The following EPB41L4A variants were observed in gnomAD, a reference collection of about 807,000 sequenced individuals.
EPB41L4A encodes band 4.1-like protein 4A.
In EPB41L4A, 100 loss-of-function variants were observed where a neutral mutation model predicts 108.6. The ratio of observed to expected loss-of-function variants is 0.92; its 90% confidence interval spans 0.78 to 1.09. The LOEUF is 1.09. EPB41L4A is among the 50% of genes least tolerant of loss of function. EPB41L4A has a pLI of 0.00. For missense variants in EPB41L4A, 1,030 were observed against 842.7 expected, an observed-to-expected ratio of 1.22 and a Z score of -2.75; for synonymous variants, 319 against 289.0, an observed-to-expected ratio of 1.10 and a Z score of -1.05.
chr5:112,204,309 A>G (rs1162318344), intron 15 of EPB41L4A, 66 bp downstream of exon 15: 7 of 1,036,068 alleles, frequency 6.8e-6, no homozygotes, highest in Non-Finnish European at 1.1e-5. Flanking sequence ...CACCTATTAT[A>G]AAGTCAGGCC....
chr5:112,212,438 G>A (rs1025933946), intron 12 of EPB41L4A, among the ~76,000 whole-genome samples: 2 of 151,886 alleles, frequency 1.3e-5, no homozygotes. Context: ...GATTACAGGC[G>A]CATGACACTG....
At chr5:112,260,565 C>T (rs569594696) in intron 7 of EPB41L4A, among the ~76,000 whole-genome samples, 1 of 152,186 alleles carries the variant, frequency 6.6e-6, no homozygotes, top group Non-Finnish European at 1.5e-5. Flanking sequence ...AGCAGACACA[C>T]ACTTGAATTT....
At chr5:112,157,604 C>T (rs574407750) in intron 12 of EPB41L4A, among the ~76,000 whole-genome samples, 1 of 152,286 alleles carries the variant, frequency 6.6e-6, no homozygotes, top group South Asian at 2.1e-4. Flanking sequence ...CCTACATCTT[C>T]AAAGCCAGCA....
downstream of EPB41L4A, chr5:112,161,256 C>A (rs1208615833): frequency 6.5e-6 from 2 of 308,286 alleles, no homozygotes; most frequent in East Asian, 9.3e-5. Context: ...CAGCTGTTTC[C>A]ACGTGCGGTG....
chr5:112,243,376 G>A (rs747420854), intron 9 of EPB41L4A, among the ~76,000 whole-genome samples: 30 of 151,900 alleles, frequency 2.0e-4, no homozygotes, highest in Non-Finnish European at 3.7e-4. Context: ...ATAGAGCACA[G>A]AGTACAGTTA....
intron 9 of EPB41L4A, among the ~76,000 whole-genome samples, chr5:112,257,908 C>T (rs1003631872): frequency 6.6e-6 from 1 of 152,196 alleles, no homozygotes; most frequent in Non-Finnish European, 1.5e-5. Context: ...AGCTACTCTA[C>T]TTTTTGCATG....
chr5:112,366,589 C>T (rs188128210), intron 1 of EPB41L4A, among the ~76,000 whole-genome samples: 3 of 152,040 alleles, frequency 2.0e-5, no homozygotes, highest in Admixed American at 1.3e-4. Context: ...ACACAGCCCA[C>T]CTGCAGGGAG....
At chr5:112,339,036 G>GC (rs1324036814) in intron 1 of EPB41L4A, among the ~76,000 whole-genome samples, 2 of 151,800 alleles carry the variant, frequency 1.3e-5, no homozygotes, top group East Asian at 3.9e-4. Flanking sequence ...GACAGGGTGG[G>GC]GGAGAATGAA....
At chr5:112,365,071 C>T (rs1759039345) in intron 1 of EPB41L4A, among the ~76,000 whole-genome samples, 1 of 152,164 alleles carries the variant, frequency 6.6e-6, no homozygotes, top group Admixed American at 6.5e-5. Flanking sequence ...AAGCTTAGTT[C>T]AGCTTCTGGC....
intron 2 of EPB41L4A, among the ~76,000 whole-genome samples, chr5:112,305,604 C>T (rs545448895): frequency 6.6e-6 from 1 of 151,966 alleles, no homozygotes; most frequent in African/African-American, 2.4e-5. Context: ...AAAACTGTTA[C>T]CAAGATGAAG....
chr5:112,240,577 T>G (rs949077788), intron 10 of EPB41L4A, 142 bp downstream of exon 10: 1 of 568,810 alleles, frequency 1.8e-6, no homozygotes, highest in Non-Finnish European at 3.1e-6. Context: ...TTTGTATTAA[T>G]ATAATCCAGA....
chr5:112,191,256 C>T (rs1761684260), intron 17 of EPB41L4A, among the ~76,000 whole-genome samples: 1 of 152,154 alleles, frequency 6.6e-6, no homozygotes, highest in Admixed American at 6.5e-5. Flanking sequence ...TTCTAGGAAA[C>T]ACGGTAGGAT....
chr5:112,371,875 T>C (rs545933495), intron 1 of EPB41L4A, among the ~76,000 whole-genome samples: 2 of 152,224 alleles, frequency 1.3e-5, no homozygotes, highest in Admixed American at 1.3e-4. Flanking sequence ...ACTGCCCTCA[T>C]GAACATTATA....
intron 1 of EPB41L4A, among the ~76,000 whole-genome samples, chr5:112,330,222 G>A (rs1003195353): frequency 6.6e-6 from 1 of 151,838 alleles, no homozygotes; most frequent in Non-Finnish European, 1.5e-5. Context: ...GAGTGACATG[G>A]ATTTCATTTG....
intron 6 of EPB41L4A, chr5:112,263,712 T>C (rs2150449981): frequency 6.6e-6 from 1 of 152,346 alleles, no homozygotes; most frequent in African/African-American, 2.4e-5. Flanking sequence ...AGAGGGCCTC[T>C]TTCTCTGACT....
intron 1 of EPB41L4A, among the ~76,000 whole-genome samples, chr5:112,328,023 G>A (rs922127399): frequency 4.6e-5 from 7 of 152,124 alleles, no homozygotes; most frequent in African/African-American, 1.2e-4. Context: ...AATATTGGGG[G>A]AGAAGGCCGG....
chr5:112,353,344 T>C (rs1196924915), intron 1 of EPB41L4A, among the ~76,000 whole-genome samples: 1 of 152,220 alleles, frequency 6.6e-6, no homozygotes, highest in Non-Finnish European at 1.5e-5. Context: ...TCCAGGCAAC[T>C]TGCTTGGGTG....
At position 112,373,507 on chromosome 5, in the gene EPB41L4A, C is replaced by T. The variant is rs531393739; in HGVS notation, c.99+45434G>A. On this transcript the variant is annotated intron_variant, in intron 1 of 22. Coordinates refer to ENST00000261486, the MANE Select transcript of EPB41L4A (RefSeq NM_022140.5). ...CACCTATATCTTATTTCCATTAAAG[C>T]AAAAATAGCTAATTTATCAAACACT... Among the ~76,000 whole-genome samples, 7 of 152,284 alleles carry T rather than the reference C, an allele frequency of 4.6e-5. No homozygotes were observed. In the East Asian group the frequency reaches 7.7e-4, roughly 17 times the overall value.
Position 112,220,001 on chromosome 5 carries a change from G to A in EPB41L4A, c.1088-10019C>T, listed in dbSNP as rs556545004. On this transcript the variant is annotated intron_variant, in intron 12 of 22. Coordinates refer to ENST00000261486, the MANE Select transcript of EPB41L4A (RefSeq NM_022140.5). ...ATCAGCCACTGTGCCCTGCCAGAAA[G>A]CAATTTTTAATGAGGTAAACAGAGG... 2.6e-5 allele frequency among the ~76,000 whole-genome samples: 4 copies of A among 152,316 alleles called. No homozygotes were observed. The East Asian group carries it at 7.7e-4, about 29-fold the overall frequency.
Sources: allele counts gnomAD v4.1 joint callset (sites outside exome capture counted in the v4.1 genomes callset), GRCh38; gene constraint gnomAD v4.1.1; transcripts MANE v1.5; gene names NCBI Gene and HGNC (gene_info 2026-07-23, HGNC 2026-07-21).